The following SCN3A variants were observed in gnomAD, a reference collection of about 807,000 sequenced individuals.
The protein encoded by SCN3A is sodium voltage-gated channel alpha subunit 3, also known as sodium channel protein type 3 subunit alpha.
SCN3A carries 60 observed loss-of-function variants against 187.6 expected under a neutral mutation model. The observed-to-expected ratio is 0.32, with a 90% confidence interval of 0.26 to 0.40. The LOEUF is 0.40. Among genes scored for constraint, SCN3A ranks in the 10% least tolerant of loss-of-function variants. The probability of loss-of-function intolerance (pLI) is 1.00; values close to 1 mark genes in which losing one functional copy is unlikely to be tolerated. For synonymous variants in SCN3A, 788 were observed against 829.2 expected (o/e 0.95, Z 0.85); for missense variants, 1,601 against 2,428.2 (o/e 0.66, Z 7.16).
intron 12 of SCN3A, among the ~76,000 whole-genome samples, chr2:165,143,890 G>C (rs1023857412): frequency 6.6e-6 from 1 of 152,192 alleles, no homozygotes; most frequent in Admixed American, 6.6e-5. Context: ...GGAATTTTAA[G>C]ATGTTCTAGT....
intron 12 of SCN3A, among the ~76,000 whole-genome samples, chr2:165,143,388 C>A (rs1220959140): frequency 1.3e-5 from 2 of 152,160 alleles, no homozygotes; most frequent in African/African-American, 4.8e-5. Flanking sequence ...CACTATGTAT[C>A]TGGGACATGC....
chr2:165,154,410 T>C, intron 11 of SCN3A, 42 bp downstream of exon 11: 2 of 1,592,676 alleles, frequency 1.3e-6, no homozygotes, highest in Non-Finnish European at 1.7e-6. Flanking sequence ...ACTTAGAAAC[T>C]AATAATAATA....
intron 15 of SCN3A, among the ~76,000 whole-genome samples, chr2:165,136,355 T>C (rs1051709902): frequency 2.0e-5 from 3 of 152,146 alleles, no homozygotes; most frequent in Non-Finnish European, 4.4e-5. Flanking sequence ...TTTCCATCAT[T>C]ATTTCAAAGA....
chr2:165,137,163 G>C (rs562867215), intron 15 of SCN3A, among the ~76,000 whole-genome samples: 8 of 152,202 alleles, frequency 5.3e-5, no homozygotes, highest in African/African-American at 1.7e-4. Flanking sequence ...GATGAAAACT[G>C]TTCCTAAAGT....
chr2:165,123,893 T>C (rs529673442), intron 18 of SCN3A, among the ~76,000 whole-genome samples: 18 of 152,290 alleles, frequency 1.2e-4, no homozygotes, highest in African/African-American at 4.3e-4. Context: ...TGTGAGCATA[T>C]ATGAGAGTTC....
chr2:165,111,494 CACACACACACA>C, intron 21 of SCN3A, among the ~76,000 whole-genome samples: 1 of 84,320 alleles, frequency 1.2e-5, no homozygotes, highest in Admixed American at 9.7e-5. Flanking sequence ...TACACACACA[CACACACACACA>C]CACACACACA....
chr2:165,179,103 T>C (rs1574310025), intron 2 of SCN3A, among the ~76,000 whole-genome samples: 1 of 152,142 alleles, frequency 6.6e-6, no homozygotes, highest in Non-Finnish European at 1.5e-5. Context: ...CTTAAGGAAA[T>C]TCTATGAAAC....
rs367758244 is a variant in SCN3A, at chr2:165,179,476, A to T, written c.-50-3032T>A. On this transcript the variant is annotated intron_variant, in intron 2 of 27. Transcript: ENST00000283254. ...CGAGTAATTTTCACAAATTATTCTG[A>T]TTTATCTGAGATGATATGGAACAAG... 3.3e-5 allele frequency: 5 copies of T among 152,342 alleles called. No individual in the cohort carries two copies. The East Asian group carries it at 9.6e-4, about 29-fold the overall frequency. 9.4% of individuals were successfully genotyped at this position (152,342 alleles called of 1,614,324 possible).
At chr2:165,155,412 T>C (rs1168228215) in intron 10 of SCN3A, among the ~76,000 whole-genome samples, 1 of 152,054 alleles carries the variant, frequency 6.6e-6, no homozygotes, top group Non-Finnish European at 1.5e-5. Context: ...TTCCCTTTCT[T>C]TTTTTGAGAT....
chr2:165,113,158 A>T (rs1686202768), intron 20 of SCN3A, 100 bp from the exon 21 acceptor site: 7 of 856,998 alleles, frequency 8.2e-6, no homozygotes, highest in Non-Finnish European at 1.3e-5. Context: ...CAATAATTTG[A>T]TTATTGATAT....
intron 12 of SCN3A, among the ~76,000 whole-genome samples, chr2:165,142,060 A>G (rs1688042074): frequency 6.6e-6 from 1 of 152,122 alleles, no homozygotes; most frequent in Non-Finnish European, 1.5e-5. Context: ...ATCTCTATTC[A>G]GTCTGCAGAA....
At chr2:165,199,192 C>T (rs1050237665) in intron 1 of SCN3A, among the ~76,000 whole-genome samples, 2 of 151,968 alleles carry the variant, frequency 1.3e-5, no homozygotes, top group African/African-American at 4.8e-5. Context: ...TAAAGAGTGA[C>T]TTTGAATTCA....
At chr2:165,126,943 A>C (rs937125321) in intron 18 of SCN3A, among the ~76,000 whole-genome samples, 1 of 152,238 alleles carries the variant, frequency 6.6e-6, no homozygotes, top group African/African-American at 2.4e-5. Flanking sequence ...TAAAGTTTTC[A>C]CATAAAAATC....
intron 12 of SCN3A, 86 bp from the exon 13 acceptor site, chr2:165,141,084 G>T: frequency 1.2e-6 from 1 of 840,496 alleles, no homozygotes; most frequent in Non-Finnish European, 1.8e-6. Context: ...TAAAGGATCT[G>T]TTTTCTTTGG....
chr2:165,201,606 A>G (rs564108920), intron 1 of SCN3A, among the ~76,000 whole-genome samples: 1 of 152,020 alleles, frequency 6.6e-6, no homozygotes, highest in Non-Finnish European at 1.5e-5. Context: ...TTTAAAGATG[A>G]TGTAATAAAG....
At chr2:165,160,574 A>C (rs1460903850) in intron 9 of SCN3A, among the ~76,000 whole-genome samples, 1 of 152,160 alleles carries the variant, frequency 6.6e-6, no homozygotes, top group African/African-American at 2.4e-5. Context: ...TCATCATCAT[A>C]ATAAATAATA....
At chr2:165,170,318 A>G in intron 4 of SCN3A, 112 bp downstream of exon 4, 2 of 711,878 alleles carry the variant, frequency 2.8e-6, no homozygotes, top group South Asian at 1.6e-5. Flanking sequence ...TAAACTAACA[A>G]TGTTACCATT....
intron 4 of SCN3A, among the ~76,000 whole-genome samples, chr2:165,169,363 T>C (rs1235842018): frequency 6.6e-6 from 1 of 151,942 alleles, no homozygotes. Context: ...AATTTTGTGC[T>C]GATAAGGTAA....
chr2:165,176,464 G>T lies in SCN3A; in HGVS notation c.-50-20C>A. ...AATTACCTGCAATAAAAGAAAAATTGCACAAGAGTTAGGAAAGCAAGCGAT... is the reference window on the plus strand; with the variant it reads ...AATTACCTGCAATAAAAGAAAAATTTCACAAGAGTTAGGAAAGCAAGCGAT... On this transcript the variant is annotated intron_variant, in intron 2 of 27. Coordinates refer to ENST00000283254, the MANE Select transcript of SCN3A (RefSeq NM_006922.4). The T allele has an allele frequency of 6.3e-7, 1 of 1,595,094 alleles. No individual in the cohort carries two copies. The highest frequency in any genetic ancestry group is 8.6e-7 in the Non-Finnish European group (1 of 1,165,904).
Sources: gnomAD v4.1 joint callset for allele counts (sites outside exome capture counted in the v4.1 genomes callset) on GRCh38, gnomAD v4.1.1 for gene constraint, MANE v1.5 for transcripts, NCBI Gene and HGNC (gene_info 2026-07-23, HGNC 2026-07-21) for gene names.